Variants in A2M observed in about 807,000 individuals in gnomAD.
A2M encodes the protein C3 and PZP-like alpha-2-macroglobulin domain-containing protein 5.
A2M carries 128 observed loss-of-function variants against 183.9 expected under a neutral mutation model. That is an observed-to-expected ratio of 0.70 (90% confidence interval 0.60 to 0.81). The LOEUF (loss-of-function observed/expected upper bound fraction) is 0.81. Ranked by LOEUF, A2M falls within the 30% of genes least tolerant of loss-of-function variation. The pLI is 0.00. For synonymous variants in A2M, 592 were observed against 670.8 expected (o/e 0.88, Z 1.81); for missense variants, 1,495 against 1,787.6 (o/e 0.84, Z 2.95).
chr12:9,103,785 T>C (rs924532137), intron 11 of A2M, among the ~76,000 whole-genome samples: 6 of 152,212 alleles, frequency 3.9e-5, no homozygotes, highest in African/African-American at 1.4e-4. Context: ...TGTATTTATA[T>C]ACCACATTTT....
rs1479846857 is a variant in A2M at position 9,095,700 on chromosome 12, C to T, written c.1852G>A (p.Val618Ile). Residue 618 changes from valine (V) to isoleucine (I), a missense_variant and splice_region_variant, in exon 16 of 36, where the codon GTT becomes ATT. By Grantham distance (29) the Val-to-Ile change is conservative (BLOSUM62 3). Transcript: ENST00000318602. ...KPDAELSASS[V>I]YNLLPEKDLT... Reference sequence around the variant, plus strand: ...TCCTTTTCTGGTAGCAGGTTGTAAACCTGTACAAATACGAAAGACAAAAAG... The same window carrying T: ...TCCTTTTCTGGTAGCAGGTTGTAAATCTGTACAAATACGAAAGACAAAAAG... 6.4e-7 allele frequency: 1 copy of T among 1,553,800 alleles called. No individual in the cohort carries two copies. The highest frequency in any genetic ancestry group is 8.7e-7 in the Non-Finnish European group (1 of 1,148,586).
At chr12:9,101,726 A>C in intron 11 of A2M, 52 bp from the exon 12 acceptor site, 1 of 1,394,456 alleles carries the variant, frequency 7.2e-7, no homozygotes. Context: ...CATAAAGATT[A>C]ATGTTCTCAC....
Position 9,080,134 on chromosome 12 carries a change from A to AT in A2M, c.2813dup (p.Asn938LysfsTer46). 6.3e-7 allele frequency: 1 copy of AT among 1,590,032 alleles called. No homozygotes were observed. The highest frequency in any genetic ancestry group is 1.2e-5 in the South Asian group (1 of 86,742). On this transcript the variant is annotated frameshift_variant, in exon 23 of 36. Coordinates refer to ENST00000318602, the MANE Select transcript of A2M (RefSeq NM_000014.6). LOFTEE classifies it high-confidence loss of function. ...AAGCTCGGGCAGATTCTTCTACCAC[A>AT]TTTGGTGGCAGTTTCAGGGATAATT...
intron 22 of A2M, among the ~76,000 whole-genome samples, chr12:9,088,911 T>G (rs1379732787): frequency 6.6e-6 from 1 of 152,208 alleles, no homozygotes; most frequent in Non-Finnish European, 1.5e-5. Context: ...TTGGTAATAT[T>G]AATTTTGATT....
intron 31 of A2M, 79 bp from the exon 32 acceptor site, chr12:9,070,657 T>C (rs1948544256): frequency 6.4e-6 from 6 of 941,392 alleles, no homozygotes; most frequent in Non-Finnish European, 9.9e-6. Flanking sequence ...TGTTAAGCAT[T>C]CCACAGCTCT....
intron 31 of A2M, among the ~76,000 whole-genome samples, chr12:9,070,983 A>G (rs893730714): frequency 3.3e-5 from 5 of 151,890 alleles, no homozygotes; most frequent in Non-Finnish European, 5.9e-5. Context: ...ACCACGTCCG[A>G]CTAATTTTGT....
At chr12:9,081,786 C>T (rs1948914158) in intron 22 of A2M, among the ~76,000 whole-genome samples, 1 of 152,190 alleles carries the variant, frequency 6.6e-6, no homozygotes, top group Non-Finnish European at 1.5e-5. Flanking sequence ...ACTCTGGTCT[C>T]ATTTCACCGG....
intron 22 of A2M, among the ~76,000 whole-genome samples, chr12:9,087,899 T>A (rs775845986): frequency 6.6e-6 from 1 of 152,262 alleles, no homozygotes; most frequent in South Asian, 2.1e-4. Context: ...CATATGTTCA[T>A]TAAGAGGCTC....
chr12:9,098,484 A>G, intron 15 of A2M, 123 bp downstream of exon 15: 1 of 1,102,078 alleles, frequency 9.1e-7, no homozygotes. Context: ...AAGAGAGCTC[A>G]AAGCAATTAA....
At chr12:9,069,133 A>G (rs1367177251) in intron 33 of A2M, 1 of 225,848 alleles carries the variant, frequency 4.4e-6, no homozygotes, top group African/African-American at 2.3e-5. Context: ...TTCATTTTTT[A>G]ATATCCAGAG....
At chr12:9,108,458 G>T (rs1938479248) in intron 7 of A2M, among the ~76,000 whole-genome samples, 1 of 152,148 alleles carries the variant, frequency 6.6e-6, no homozygotes, top group African/African-American at 2.4e-5. Flanking sequence ...GGATTGTGTC[G>T]TAAATATGTC....
At chr12:9,115,952 G>T (rs192787705), upstream of A2M, 29 of 907,952 alleles carry the variant, frequency 3.2e-5, no homozygotes, top group Non-Finnish European at 4.0e-5. Flanking sequence ...GCTTTATGCT[G>T]CTCTGTGTGC....
chr12:9,074,898 A>AC (rs1948695177), intron 28 of A2M, 115 bp from the exon 29 acceptor site: 1 of 1,097,614 alleles, frequency 9.1e-7, no homozygotes, highest in African/African-American at 1.6e-5. Context: ...AATCCCCTGT[A>AC]CTGTATGTAG....
intron 22 of A2M, among the ~76,000 whole-genome samples, chr12:9,085,286 T>C (rs1949021211): frequency 6.6e-6 from 1 of 152,118 alleles, no homozygotes; most frequent in Non-Finnish European, 1.5e-5. Flanking sequence ...TTAAGAAGAC[T>C]GAAATCGTTT....
At chr12:9,099,339 C>A in intron 14 of A2M, 42 bp downstream of exon 14, 2 of 1,522,764 alleles carry the variant, frequency 1.3e-6, no homozygotes, top group East Asian at 4.9e-5. Flanking sequence ...ATAGTAACTT[C>A]TAGTTTTACA....
chr12:9,075,580 T>C (rs893535158), intron 28 of A2M, among the ~76,000 whole-genome samples: 1 of 145,116 alleles, frequency 6.9e-6, no homozygotes, highest in Non-Finnish European at 1.5e-5. Flanking sequence ...AACATAGTGT[T>C]GAACTTAGAA....
chr12:9,107,710 A>G, intron 7 of A2M, 66 bp from the exon 8 acceptor site: 1 of 1,578,040 alleles, frequency 6.3e-7, no homozygotes. Context: ...CTAGCTATTT[A>G]TATCTCCCCT....
rs532591184 is a variant in A2M, at chr12:9,071,226, C to G, written c.4104-648G>C. Among the ~76,000 whole-genome samples, 5 of 151,984 alleles carry G rather than the reference C, an allele frequency of 3.3e-5. No homozygotes were observed. The South Asian group carries it at 1.0e-3, about 32-fold the overall frequency. On this transcript the variant is annotated intron_variant, in intron 31 of 35. Coordinates refer to ENST00000318602, the MANE Select transcript of A2M (RefSeq NM_000014.6). ...TTTGTTTACTTTTATTTTCTTTCAG[C>G]TGACAAAATGATGTATATTATGAAT...
At chr12:9,068,280 A>T (rs1278785204) in intron 34 of A2M, 56 bp from the exon 35 acceptor site, 3 of 1,568,402 alleles carry the variant, frequency 1.9e-6, no homozygotes, top group Non-Finnish European at 2.6e-6. Context: ...GTGAGAAAGA[A>T]AGCAAACATC....
Sources: allele counts gnomAD v4.1 joint callset (sites outside exome capture counted in the v4.1 genomes callset), GRCh38; gene constraint gnomAD v4.1.1; transcripts MANE v1.5; gene names NCBI Gene and HGNC (gene_info 2026-07-23, HGNC 2026-07-21).